The following DCDC1 variants were observed in gnomAD, a reference collection of about 807,000 sequenced individuals.
The protein encoded by DCDC1 is doublecortin domain containing 1.
DCDC1 carries 200 observed loss-of-function variants against 178.3 expected under a neutral mutation model. That is an observed-to-expected ratio of 1.12 (90% CI 1.00 to 1.26). DCDC1 has a LOEUF of 1.26. Among genes scored for constraint, DCDC1 ranks in the 50% most tolerant of loss-of-function variants. DCDC1 has a pLI of 0.00. For missense variants in DCDC1, 1,983 were observed against 1,749.2 expected (o/e 1.13, Z -2.38); for synonymous variants, 690 against 604.8 (o/e 1.14, Z -2.07).
intron 25 of DCDC1, among the ~76,000 whole-genome samples, chr11:30,920,368 C>A (rs900629199): frequency 3.9e-5 from 6 of 152,144 alleles, no homozygotes; most frequent in African/African-American, 1.4e-4. Flanking sequence ...GATATTACGG[C>A]AATAGAGAGA....
chr11:31,077,634 T>C (rs1956946139), intron 18 of DCDC1, among the ~76,000 whole-genome samples: 1 of 152,028 alleles, frequency 6.6e-6, no homozygotes, highest in Non-Finnish European at 1.5e-5. Flanking sequence ...GGTAATATTA[T>C]AGCAATGAAT....
intron 9 of DCDC1, among the ~76,000 whole-genome samples, chr11:31,143,734 C>G (rs991578053): frequency 7.9e-5 from 12 of 152,166 alleles, no homozygotes; most frequent in African/African-American, 2.4e-4. Context: ...TTAAGTCCCT[C>G]TATAAAGAAA....
intron 22 of DCDC1, among the ~76,000 whole-genome samples, chr11:30,927,814 A>C (rs2134288506): frequency 6.6e-6 from 1 of 152,310 alleles, no homozygotes; most frequent in South Asian, 2.1e-4. Context: ...AAGATAGCAT[A>C]ATTTTCCTTA....
At chr11:30,960,846 GT>G (rs1476517039) in intron 20 of DCDC1, among the ~76,000 whole-genome samples, 50 of 152,162 alleles carry the variant, frequency 3.3e-4, no homozygotes, top group African/African-American at 1.2e-3. Context: ...TTAATATAAT[GT>G]CTTTATTAGC....
chr11:30,916,476 T>G (rs1248630260), intron 26 of DCDC1, among the ~76,000 whole-genome samples: 1 of 152,084 alleles, frequency 6.6e-6, no homozygotes, highest in Non-Finnish European at 1.5e-5. Context: ...CAAAAAACAT[T>G]AAACTAAAAA....
chr11:31,360,802 C>T (rs899314851), intron 1 of DCDC1, among the ~76,000 whole-genome samples: 6 of 152,026 alleles, frequency 3.9e-5, no homozygotes, highest in Non-Finnish European at 8.8e-5. Context: ...GTAAGGAATA[C>T]CATCAGAAAA....
chr11:31,105,071 G>A (rs1464670624), intron 13 of DCDC1, among the ~76,000 whole-genome samples: 1 of 151,920 alleles, frequency 6.6e-6, no homozygotes, highest in Non-Finnish European at 1.5e-5. Flanking sequence ...AACACGTATT[G>A]CACATTTTCT....
chr11:30,963,278 C>T (rs561802268), intron 20 of DCDC1, among the ~76,000 whole-genome samples: 1 of 152,052 alleles, frequency 6.6e-6, no homozygotes. Context: ...AGACAGAGTT[C>T]GAGCTAGAAG....
chr11:31,203,514 T>G (rs942488982), intron 9 of DCDC1, among the ~76,000 whole-genome samples: 16 of 152,158 alleles, frequency 1.1e-4, no homozygotes, highest in African/African-American at 2.9e-4. Context: ...CATGAACTGA[T>G]ACGGCATCAT....
chr11:31,281,047 T>C (rs916291893), intron 7 of DCDC1: 2 of 488,574 alleles, frequency 4.1e-6, no homozygotes, highest in Admixed American at 2.4e-5. Context: ...CGTCCCATTC[T>C]CCTTAAATTT....
Position 31,127,619 on chromosome 11 carries a change from T to C in DCDC1, c.1335A>G (p.Glu445=), listed in dbSNP as rs965612858. The part of the protein sequence containing the change: ...EQEEVSRLID[E]LQTAIKSNIG... ...TGTTACTTTTGATAGCTGTCTGCAA[T>C]TCATCAATCAGCCTGCTCACCTGAA... Residue 445 remains glutamate (E), a synonymous_variant, in exon 11 of 39, where the codon GAA becomes GAG. Coordinates refer to ENST00000684477, the MANE Select transcript of DCDC1 (RefSeq NM_001387274.1). 1 of 702,390 alleles carries C rather than the reference T, an allele frequency of 1.4e-6. No homozygotes were observed. Among genetic ancestry groups the C allele is most frequent in the African/African-American group, 1.7e-5 (1 of 57,216 alleles). The allele number at this position is 702,390 out of a possible 1,614,324, so 43.5% of individuals were successfully genotyped here.
chr11:31,299,709 T>C (rs1375928904), intron 6 of DCDC1, among the ~76,000 whole-genome samples: 1 of 152,112 alleles, frequency 6.6e-6, no homozygotes, highest in African/African-American at 2.4e-5. Context: ...GAAAAGCTTG[T>C]GGAAACATAC....
intron 8 of DCDC1, among the ~76,000 whole-genome samples, chr11:31,261,618 G>A (rs1326710465): frequency 6.6e-6 from 1 of 152,146 alleles, no homozygotes; most frequent in Non-Finnish European, 1.5e-5. Context: ...ACAGGATGAT[G>A]TGCATAGGCT....
chr11:31,333,399 G>A (rs1340412528), intron 2 of DCDC1, among the ~76,000 whole-genome samples: 1 of 152,174 alleles, frequency 6.6e-6, no homozygotes, highest in Non-Finnish European at 1.5e-5. Context: ...ATATTGTTAT[G>A]TGTGAATTTG....
At chr11:30,880,661 G>T (rs1429832830) in intron 37 of DCDC1, among the ~76,000 whole-genome samples, 3 of 152,016 alleles carry the variant, frequency 2.0e-5, no homozygotes, top group Non-Finnish European at 4.4e-5. Context: ...AAGAACTAGA[G>T]TTCATTCAAT....
intron 20 of DCDC1, among the ~76,000 whole-genome samples, chr11:31,009,505 G>A (rs890744831): frequency 6.6e-6 from 1 of 151,700 alleles, no homozygotes; most frequent in Admixed American, 6.6e-5. Context: ...TGTCTATGGA[G>A]GCTGAGAAAT....
rs1945892201 is a variant in DCDC1, at chr11:30,917,033, C to T, written c.3294-5G>A. 1.3e-6 allele frequency: 2 copies of T among 1,588,068 alleles called. No individual in the cohort carries two copies. Among genetic ancestry groups the T allele is most frequent in the African/African-American group, 2.7e-5 (2 of 73,782 alleles). On this transcript the variant is annotated splice_region_variant and splice_polypyrimidine_tract_variant and intron_variant, in intron 25 of 38. Coordinates refer to ENST00000684477, the MANE Select transcript of DCDC1 (RefSeq NM_001387274.1). ...TGAGCTCTTACGTGTGAATCTCTAT[C>T]AAGGTTCAGAAGCAAACATAAGTCT...
chr11:31,014,181 C>T (rs772687950), intron 20 of DCDC1, among the ~76,000 whole-genome samples: 1 of 152,074 alleles, frequency 6.6e-6, no homozygotes, highest in Non-Finnish European at 1.5e-5. Context: ...AGAGACATAG[C>T]TCTTGCTCGC....
intron 9 of DCDC1, among the ~76,000 whole-genome samples, chr11:31,236,648 A>G (rs141826762): frequency 6.7e-6 from 1 of 149,484 alleles, no homozygotes; most frequent in African/African-American, 2.5e-5. Context: ...TGGTTTCAGG[A>G]AAAAAAAAAT....
Sources: gnomAD v4.1 joint callset for allele counts (sites outside exome capture counted in the v4.1 genomes callset) on GRCh38, gnomAD v4.1.1 for gene constraint, MANE v1.5 for transcripts, NCBI Gene and HGNC (gene_info 2026-07-23, HGNC 2026-07-21) for gene names.